Variants in SLC9A9 observed in about 807,000 individuals in gnomAD.
SLC9A9 encodes solute carrier family 9 member A9, also known as sodium/hydrogen exchanger 9.
In SLC9A9, 62 loss-of-function variants were observed where a neutral mutation model predicts 77.8. The ratio of observed to expected loss-of-function variants is 0.80; its 90% confidence interval spans 0.65 to 0.98. The LOEUF is 0.98. Among genes scored for constraint, SLC9A9 ranks in the 50% least tolerant of loss-of-function variants. SLC9A9 has a pLI of 0.00. For synonymous variants in SLC9A9, 320 were observed against 283.5 expected, an observed-to-expected ratio of 1.13 and a Z score of -1.29; for missense variants, 775 against 774.9, an observed-to-expected ratio of 1.00 and a Z score of 0.00.
chr3:143,844,801 C>G (rs1319825980), intron 1 of SLC9A9, among the ~76,000 whole-genome samples: 3 of 148,442 alleles, frequency 2.0e-5, no homozygotes. Flanking sequence ...GACACAGTCT[C>G]ACTCTGTCAC....
intron 14 of SLC9A9, among the ~76,000 whole-genome samples, chr3:143,282,837 T>A (rs970427795): frequency 1.3e-5 from 2 of 152,218 alleles, no homozygotes; most frequent in African/African-American, 4.8e-5. Context: ...CATTAATCCA[T>A]GGTTATTTGG....
chr3:143,295,335 C>T (rs543975294), intron 14 of SLC9A9, among the ~76,000 whole-genome samples: 38 of 152,298 alleles, frequency 2.5e-4, no homozygotes, highest in Admixed American at 2.4e-3. Context: ...GCATGACTTC[C>T]TTGCCCTGTA....
At chr3:143,334,402 C>A (rs2031863855) in intron 14 of SLC9A9, among the ~76,000 whole-genome samples, 1 of 152,118 alleles carries the variant, frequency 6.6e-6, no homozygotes, top group Admixed American at 6.5e-5. Flanking sequence ...TGATAGATAC[C>A]ACAAGGGAAG....
chr3:143,492,260 C>G (rs533627128), intron 11 of SLC9A9, among the ~76,000 whole-genome samples: 2 of 150,334 alleles, frequency 1.3e-5, no homozygotes, highest in East Asian at 4.0e-4. Flanking sequence ...CCACTGCACT[C>G]CAGCCTGGGC....
intron 7 of SLC9A9, 56 bp downstream of exon 7, chr3:143,578,529 C>T: frequency 6.2e-7 from 1 of 1,612,562 alleles, no homozygotes; most frequent in South Asian, 1.1e-5. Flanking sequence ...AGAAATATTC[C>T]ATGGATACTG....
chr3:143,761,730 T>C (rs1326091177), intron 4 of SLC9A9, among the ~76,000 whole-genome samples: 1 of 152,204 alleles, frequency 6.6e-6, no homozygotes, highest in African/African-American at 2.4e-5. Context: ...GGAACACTTT[T>C]ACACTGTTGG....
At chr3:143,751,379 G>T (rs1457118994) in intron 4 of SLC9A9, among the ~76,000 whole-genome samples, 1 of 152,188 alleles carries the variant, frequency 6.6e-6, no homozygotes, top group Non-Finnish European at 1.5e-5. Context: ...GGCAAAGAGG[G>T]CCCTTAGCTC....
At chr3:143,789,536 G>C (rs944763462) in intron 4 of SLC9A9, among the ~76,000 whole-genome samples, 1 of 152,142 alleles carries the variant, frequency 6.6e-6, no homozygotes, top group Admixed American at 6.5e-5. Flanking sequence ...GTACAGATTG[G>C]CCTCCATCTA....
intron 14 of SLC9A9, among the ~76,000 whole-genome samples, chr3:143,336,737 G>T (rs1401369390): frequency 6.6e-6 from 1 of 152,122 alleles, no homozygotes; most frequent in East Asian, 1.9e-4. Context: ...AGGGGTTAGG[G>T]TAGGGGGAAA....
At chr3:143,484,730 A>T (rs1393653508) in intron 11 of SLC9A9, among the ~76,000 whole-genome samples, 5 of 152,176 alleles carry the variant, frequency 3.3e-5, no homozygotes, top group Admixed American at 6.5e-5. Context: ...TTTGAAGGTA[A>T]ATCTGAGGTT....
At chr3:143,700,306 A>T (rs1196613565) in intron 4 of SLC9A9, among the ~76,000 whole-genome samples, 2 of 152,126 alleles carry the variant, frequency 1.3e-5, no homozygotes, top group Non-Finnish European at 2.9e-5. Context: ...AGAAAAGTAG[A>T]GGGAAAAGTA....
Position 143,606,436 on chromosome 3 carries a change from C to CTCTCTCTCTCTCTATATA in SLC9A9, c.756-27714_756-27713insTATATAGAGAGAGAGAGA, listed in dbSNP as rs1419410834. On this transcript the variant is annotated intron_variant, in intron 6 of 15. Transcript: ENST00000316549. ...TCTCTCTCTCTCTCTCTCTCTCTCT[C>CTCTCTCTCTCTCTATATA]TATATATATATATATATATATATAT... Among the ~76,000 whole-genome samples, 27 of 54,214 alleles carry CTCTCTCTCTCTCTATATA rather than the reference C, an allele frequency of 5.0e-4. 1 individual carries two copies. The highest frequency in any genetic ancestry group is 1.4e-3 in the African/African-American group (18 of 13,062). The allele number at this position is 54,214 out of a possible 152,430, so 35.6% of individuals were successfully genotyped here.
chr3:143,270,719 AG>A (rs1253239932), intron 14 of SLC9A9, among the ~76,000 whole-genome samples: 1 of 152,232 alleles, frequency 6.6e-6, no homozygotes, highest in African/African-American at 2.4e-5. Flanking sequence ...AGCTTGAAAG[AG>A]GCCTGAGCAA....
intron 13 of SLC9A9, among the ~76,000 whole-genome samples, chr3:143,368,974 C>T (rs1351568981): frequency 6.6e-6 from 1 of 152,066 alleles, no homozygotes; most frequent in Non-Finnish European, 1.5e-5. Context: ...CTTCCCAATG[C>T]CCAGTTAAAT....
At chr3:143,454,836 C>G (rs2035062170) in intron 12 of SLC9A9, among the ~76,000 whole-genome samples, 1 of 152,190 alleles carries the variant, frequency 6.6e-6, no homozygotes, top group South Asian at 2.1e-4. Context: ...ATTCCCAGCT[C>G]CCAGAGGCTT....
intron 9 of SLC9A9, among the ~76,000 whole-genome samples, chr3:143,524,180 G>A (rs200093708): frequency 2.5e-4 from 36 of 145,876 alleles, no homozygotes; most frequent in Admixed American, 2.7e-4. Context: ...ACTGAAGATA[G>A]AAAAAAAAAA....
At chr3:143,385,882 T>C (rs2033411973) in intron 12 of SLC9A9, among the ~76,000 whole-genome samples, 1 of 152,158 alleles carries the variant, frequency 6.6e-6, no homozygotes, top group South Asian at 2.1e-4. Context: ...TGTCCTTGTT[T>C]CTGAGCCCCA....
chr3:143,639,961 T>C (rs1236992700), intron 6 of SLC9A9, among the ~76,000 whole-genome samples: 2 of 152,064 alleles, frequency 1.3e-5, no homozygotes, highest in Non-Finnish European at 2.9e-5. Flanking sequence ...GAAAATGAAA[T>C]GACCATACCA....
intron 4 of SLC9A9, among the ~76,000 whole-genome samples, chr3:143,722,864 C>T (rs1934539910): frequency 6.6e-6 from 1 of 152,158 alleles, no homozygotes; most frequent in South Asian, 2.1e-4. Context: ...TTGCTGAGTA[C>T]AAACAGAGCT....
Sources: allele counts gnomAD v4.1 joint callset (sites outside exome capture counted in the v4.1 genomes callset), GRCh38; gene constraint gnomAD v4.1.1; transcripts MANE v1.5; gene names NCBI Gene and HGNC (gene_info 2026-07-23, HGNC 2026-07-21).